LEO1: variants seen among roughly 807,000 people sequenced by gnomAD.
The protein encoded by LEO1 is LEO1 component of Paf1/RNA polymerase II complex.
LEO1 carries 34 observed loss-of-function variants against 80.4 expected under a neutral mutation model. The ratio of observed to expected loss-of-function variants is 0.42; its 90% CI spans 0.32 to 0.56. LEO1 has a LOEUF of 0.56. Ranked by LOEUF, LEO1 falls within the 20% of genes least tolerant of loss-of-function variation. The probability of loss-of-function intolerance (pLI) is 0.10; values close to 1 mark genes in which losing one functional copy is unlikely to be tolerated. For synonymous variants in LEO1, 262 were observed against 274.9 expected (o/e 0.95, Z 0.46); for missense variants, 631 against 814.2 (o/e 0.77, Z 2.74).
intron 7 of LEO1, 144 bp from the exon 8 acceptor site, chr15:51,953,407 G>A (rs2056964300): frequency 2.7e-6 from 2 of 737,736 alleles, no homozygotes; most frequent in Non-Finnish European, 2.2e-6. Flanking sequence ...TGGATCACGA[G>A]GTCAGGAGTT....
chr15:51,962,456 TA>T lies in LEO1; in HGVS notation c.851del (p.Leu284TyrfsTer3). ...ARGSDSEDEV[L>X]RMKRKNAIAS... The stretch of plus-strand genomic sequence containing the variant: ...CAATCGCATTCTTGCGTTTCATTCG[TA>T]AAACTTCATCTTCACTATCACTGCC... On this transcript the variant is annotated frameshift_variant, in exon 3 of 12. Transcript: ENST00000299601. LOFTEE classifies it high-confidence loss of function. The T allele has an allele frequency of 6.2e-7, 1 of 1,613,906 alleles. No individual in the cohort carries two copies. The highest frequency in any genetic ancestry group is 8.5e-7 in the Non-Finnish European group (1 of 1,179,850).
chr15:51,947,812 CA>C (rs1253511027), intron 10 of LEO1, among the ~76,000 whole-genome samples: 1 of 152,130 alleles, frequency 6.6e-6, no homozygotes, highest in African/African-American at 2.4e-5. Flanking sequence ...TATTTCCTCC[CA>C]GGGGAACCAA....
intron 6 of LEO1, among the ~76,000 whole-genome samples, chr15:51,956,347 G>T (rs2141764083): frequency 6.6e-6 from 1 of 150,632 alleles, no homozygotes; most frequent in South Asian, 2.1e-4. Context: ...TTGAACCCGG[G>T]AGGCGGGGGT....
intron 11 of LEO1, among the ~76,000 whole-genome samples, chr15:51,944,483 C>G (rs551583099): frequency 9.2e-5 from 14 of 152,064 alleles, no homozygotes; most frequent in Non-Finnish European, 1.9e-4. Flanking sequence ...AGCTACATAG[C>G]TTTACAAAGG....
intron 11 of LEO1, among the ~76,000 whole-genome samples, chr15:51,939,529 A>G (rs2056830373): frequency 6.6e-6 from 1 of 152,212 alleles, no homozygotes; most frequent in African/African-American, 2.4e-5. Context: ...TGAAATACCT[A>G]AACAGCAATA....
At chr15:51,954,897 G>T in intron 6 of LEO1, 1 of 195,242 alleles carries the variant, frequency 5.1e-6, no homozygotes, top group Middle Eastern at 2.0e-3. Flanking sequence ...AATTACAAGG[G>T]TCAGGCGATA....
intron 1 of LEO1, among the ~76,000 whole-genome samples, chr15:51,969,408 G>A (rs1376459896): frequency 1.3e-5 from 2 of 151,860 alleles, no homozygotes; most frequent in East Asian, 3.9e-4. Flanking sequence ...GCCGAGGCAG[G>A]CAGATCACCT....
chr15:51,965,160 T>C (rs1566887652), intron 2 of LEO1, among the ~76,000 whole-genome samples: 2 of 152,192 alleles, frequency 1.3e-5, no homozygotes, highest in Admixed American at 6.5e-5. Flanking sequence ...CGGGGAAACA[T>C]ATGGGGTGAT....
intron 11 of LEO1, among the ~76,000 whole-genome samples, chr15:51,941,931 A>T (rs182876454): frequency 2.0e-5 from 3 of 152,376 alleles, no homozygotes; most frequent in Non-Finnish European, 4.4e-5. Flanking sequence ...ACAAGTGGGA[A>T]AGGGTAGCAC....
intron 7 of LEO1, among the ~76,000 whole-genome samples, chr15:51,953,981 T>A (rs1356957115): frequency 6.6e-6 from 1 of 151,500 alleles, no homozygotes; most frequent in Non-Finnish European, 1.5e-5. Flanking sequence ...TTGCCCAGGC[T>A]GGAGTGCAGT....
chr15:51,959,886 T>C lies in LEO1; in HGVS notation c.1160+13A>G. 2 of 1,554,432 alleles carry C rather than the reference T, an allele frequency of 1.3e-6. No homozygotes were observed. Among genetic ancestry groups the C allele is most frequent in the Non-Finnish European group, 8.7e-7 (1 of 1,153,608 alleles). On this transcript the variant is annotated intron_variant, in intron 5 of 11. Coordinates refer to ENST00000299601, the MANE Select transcript of LEO1 (RefSeq NM_138792.4). ...ACTCAACATCCTGAAAAAATTTTAATTGATTTCCTTACCTGGGCTCTACAC... is the reference window on the plus strand; with the variant it reads ...ACTCAACATCCTGAAAAAATTTTAACTGATTTCCTTACCTGGGCTCTACAC...
intron 2 of LEO1, among the ~76,000 whole-genome samples, chr15:51,963,897 C>CAAAAAA (rs1217618326): frequency 2.8e-4 from 16 of 57,514 alleles, no homozygotes; most frequent in Admixed American, 6.6e-4. Flanking sequence ...GACTCTGTCT[C>CAAAAAA]AAAAAAAAAA....
At chr15:51,962,564 T>C (rs2057039869) in intron 2 of LEO1, 71 bp from the exon 3 acceptor site, 3 of 1,044,940 alleles carry the variant, frequency 2.9e-6, no homozygotes, top group Admixed American at 2.0e-5. Flanking sequence ...AAAAGCAATA[T>C]TGGAGATAAA....
Position 51,960,023 on chromosome 15 carries a change from C to A in LEO1, c.1036G>T (p.Asp346Tyr), listed in dbSNP as rs2057017810. The A allele has an allele frequency of 1.2e-6, 2 of 1,612,808 alleles. No individual in the cohort carries two copies. Among genetic ancestry groups the A allele is most frequent in the Non-Finnish European group, 1.7e-6 (2 of 1,179,678 alleles). Residue 346 changes from aspartate to tyrosine, a missense_variant, in exon 5 of 12, where the codon GAT (aspartate) becomes TAT (tyrosine). Coordinates refer to ENST00000299601, the MANE Select transcript of LEO1 (RefSeq NM_138792.4). ...QPVDENGLPQ[D>Y]QQEEEPIPET... ...GGAATTGGCTCCTCTTCCTGTTGAT[C>A]CTGAGGCAATCCATTTTCATCCTAG...
intron 10 of LEO1, among the ~76,000 whole-genome samples, chr15:51,948,726 ATG>A (rs1280201886): frequency 6.6e-6 from 1 of 152,246 alleles, no homozygotes; most frequent in African/African-American, 2.4e-5. Context: ...AAGGGAAACT[ATG>A]TAACTCTTCA....
Position 51,951,922 on chromosome 15 carries a change from C to T in LEO1, c.1533G>A (p.Arg511=), listed in dbSNP as rs1364819700. Residue 511 remains arginine (R), a synonymous_variant, in exon 9 of 12, where the codon AGG becomes AGA. Coordinates refer to ENST00000299601, the MANE Select transcript of LEO1 (RefSeq NM_138792.4). ...TTCTAATCTTCTGTGTCTTTGAACA[C>T]CTATCTGCAAGTGACAGAGTCATCT... ...HRKMTLSLAD[R]CSKTQKIRIL... 5 of 1,613,466 alleles carry T rather than the reference C, an allele frequency of 3.1e-6. No individual in the cohort carries two copies. The highest frequency in any genetic ancestry group is 4.2e-6 in the Non-Finnish European group (5 of 1,179,512).
At chr15:51,953,431 G>A (rs2056964405) in intron 7 of LEO1, among the ~76,000 whole-genome samples, 168 bp from the exon 8 acceptor site, 1 of 152,096 alleles carries the variant, frequency 6.6e-6, no homozygotes, top group Non-Finnish European at 1.5e-5. Context: ...GACAAGGCTG[G>A]TCAACATGGT....
Position 51,966,162 on chromosome 15 carries a change from C to T in LEO1, c.401G>A (p.Gly134Asp), listed in dbSNP as rs2057075216. The change falls in exon 2 of 12, where the codon GGT becomes GAT. Residue 134 changes from glycine (G) to aspartate (D), a missense_variant. This residue lies in a region of LEO1 where 394 missense variants were observed against 395.6 expected (regional missense o/e 1.00). Transcript: ENST00000299601. The stretch of plus-strand genomic sequence containing the variant: ...ATCATCTGAATGTGCTTTTTCAGAA[C>T]CTTCTGCTTCTGAATGATGGCTCCC... ...DGGSHHSEAE[G>D]SEKAHSDDEK... 6.2e-7 allele frequency: 1 copy of T among 1,613,870 alleles called. No homozygotes were observed. Among genetic ancestry groups the T allele is most frequent in the Non-Finnish European group, 8.5e-7 (1 of 1,179,984 alleles).
intron 2 of LEO1, among the ~76,000 whole-genome samples, chr15:51,965,227 A>T (rs1335606802): frequency 1.3e-5 from 2 of 152,208 alleles, no homozygotes; most frequent in East Asian, 3.8e-4. Flanking sequence ...TTATACATTA[A>T]TATCTTGTAA....
Sources: allele counts gnomAD v4.1 joint callset (sites outside exome capture counted in the v4.1 genomes callset), GRCh38; gene constraint gnomAD v4.1.1; regional missense constraint gnomAD v4.1.1; transcripts MANE v1.5; gene names NCBI Gene and HGNC (gene_info 2026-07-23, HGNC 2026-07-21).